Variants in EFR3B observed in about 807,000 individuals in gnomAD.
The protein encoded by EFR3B is EFR3 homolog B, also known as protein EFR3 homolog B.
A neutral mutation model predicts 104.7 loss-of-function variants in EFR3B; 64 were observed. The observed-to-expected ratio is 0.61, with a 90% CI of 0.50 to 0.75. The LOEUF is 0.75. Among genes scored for constraint, EFR3B ranks in the 30% least tolerant of loss-of-function variants. The pLI, the probability that EFR3B is intolerant of heterozygous loss-of-function variation, is 0.00. For missense variants in EFR3B, 750 were observed against 1,078.5 expected (o/e 0.70, Z 4.27); for synonymous variants, 385 against 417.9 (o/e 0.92, Z 0.96).
intron 5 of EFR3B, among the ~76,000 whole-genome samples, chr2:25,123,089 G>C (rs913257097): frequency 6.6e-6 from 1 of 152,174 alleles, no homozygotes; most frequent in Non-Finnish European, 1.5e-5. Context: ...TTGACCAGGT[G>C]CAGTGGCTCA....
chr2:25,110,028 G>T (rs1368444075), intron 4 of EFR3B, among the ~76,000 whole-genome samples: 1 of 152,054 alleles, frequency 6.6e-6, no homozygotes, highest in South Asian at 2.1e-4. Flanking sequence ...GGCAGGCCAG[G>T]GTCATGGGGA....
intron 10 of EFR3B, 143 bp from the exon 11 acceptor site, chr2:25,132,760 C>G (rs190299433): frequency 2.9e-6 from 2 of 680,384 alleles, no homozygotes; most frequent in South Asian, 3.7e-5. Flanking sequence ...CCGAATCACA[C>G]CCGGGCTATC....
Position 25,158,778 on chromosome 2 carries a change from C to A in EFR3B, c.*4438C>A. The A allele has an allele frequency of 6.6e-6, 1 of 152,338 alleles. No homozygotes were observed. The highest frequency in any genetic ancestry group is 1.5e-5 in the Non-Finnish European group (1 of 68,074). 9.4% of individuals were successfully genotyped at this position (152,338 alleles called of 1,614,324 possible). ...ACTGTTGATTTCTGGCGCGTGGAGGCAGAGTTGTGAATCCACAAATGCTGT... is the reference window on the plus strand; with the variant it reads ...ACTGTTGATTTCTGGCGCGTGGAGGAAGAGTTGTGAATCCACAAATGCTGT... On this transcript the variant is annotated 3_prime_UTR_variant, in exon 23 of 23. Coordinates refer to ENST00000403714, the MANE Select transcript of EFR3B (RefSeq NM_014971.2).
Position 25,131,916 on chromosome 2 carries a change from G to T in EFR3B, c.1147+5G>T. ...AGGCCGTCATCAAGACCGTGGGTGC[G>T]GCGCGGGGCCGGGCCGGGGCGGGGC... On this transcript the variant is annotated splice_donor_5th_base_variant and intron_variant, in intron 10 of 22. Transcript: ENST00000403714. The surrounding 1 kb of genome is among the most constrained non-coding windows in gnomAD (Gnocchi z 7.6). 1 of 1,504,588 alleles carries T rather than the reference G, an allele frequency of 6.6e-7. No homozygotes were observed. 93.2% of individuals were successfully genotyped at this position (1,504,588 alleles called of 1,614,324 possible). A position where few individuals can be genotyped will look rare whatever the true frequency, so the allele number is the denominator to read the frequency against.
chr2:25,094,213 A>G (rs1669212130), intron 3 of EFR3B, among the ~76,000 whole-genome samples: 1 of 138,772 alleles, frequency 7.2e-6, no homozygotes, highest in Non-Finnish European at 1.5e-5. Flanking sequence ...TGAGCCCAAG[A>G]GGTCAAGGCT....
At chr2:25,067,611 T>A (rs1363051296) in intron 1 of EFR3B, among the ~76,000 whole-genome samples, 4 of 151,960 alleles carry the variant, frequency 2.6e-5, no homozygotes. Flanking sequence ...ATTTTTTTAT[T>A]TTTAGTAGAG....
chr2:25,070,465 G>C (rs1333308186), intron 1 of EFR3B, among the ~76,000 whole-genome samples: 1 of 152,108 alleles, frequency 6.6e-6, no homozygotes, highest in Non-Finnish European at 1.5e-5. Flanking sequence ...GTTTCACCAT[G>C]TTGGCCAGGC....
chr2:25,064,547 G>A (rs1277034386), intron 1 of EFR3B, among the ~76,000 whole-genome samples: 2 of 152,080 alleles, frequency 1.3e-5, no homozygotes, highest in Non-Finnish European at 2.9e-5. Context: ...TAACACTATT[G>A]TTTTCATGTG....
At chr2:25,111,802 G>C (rs1186049747) in intron 4 of EFR3B, among the ~76,000 whole-genome samples, 1 of 152,180 alleles carries the variant, frequency 6.6e-6, no homozygotes, top group Non-Finnish European at 1.5e-5. Context: ...AGAGAAGGGG[G>C]CACAAGCCAA....
chr2:25,134,828 G>A (rs1460736592), intron 12 of EFR3B, among the ~76,000 whole-genome samples: 5 of 152,048 alleles, frequency 3.3e-5, no homozygotes, highest in African/African-American at 1.2e-4. Context: ...ACATCCTTAG[G>A]GACCTTCTGA....
Position 25,136,560 on chromosome 2 carries a change from G to T in EFR3B, c.1522G>T (p.Asp508Tyr). The T allele has an allele frequency of 6.4e-7, 1 of 1,551,452 alleles. No individual in the cohort carries two copies. ...CATCTCTGTCCTGAAGCTGAAAGTG[G>T]ACAAGTGCTCTCGACAGGACACCGT... ...SDISVLKLKV[D>Y]KCSRQDTVFM... Residue 508 changes from aspartate (D) to tyrosine (Y), a missense_variant, in exon 14 of 23, where the codon GAC (aspartate) becomes TAC (tyrosine). Physicochemically the swap from Asp to Tyr is radical, Grantham distance 160 (BLOSUM62 -3). Transcript: ENST00000403714. This position sits in a 1 kb window ranked among gnomAD's most constrained non-coding sequence, Gnocchi z 4.0.
chr2:25,091,214 A>G (rs1669103827), intron 1 of EFR3B, 111 bp from the exon 2 acceptor site: 1 of 1,040,032 alleles, frequency 9.6e-7, no homozygotes. Context: ...GGTCTGTCTG[A>G]TTCCAGCCTG....
intron 6 of EFR3B, among the ~76,000 whole-genome samples, chr2:25,128,622 G>C (rs1484648711): frequency 6.6e-6 from 1 of 152,124 alleles, no homozygotes; most frequent in East Asian, 1.9e-4. Flanking sequence ...CAAGAGTCTG[G>C]TTACCTTTGT....
intron 4 of EFR3B, among the ~76,000 whole-genome samples, chr2:25,115,501 G>A (rs1352363113): frequency 2.0e-5 from 3 of 152,168 alleles, no homozygotes; most frequent in African/African-American, 7.2e-5. Context: ...GCTGAAAATC[G>A]TATCAGATAA....
chr2:25,151,376 C>A (rs1424830597), intron 20 of EFR3B, among the ~76,000 whole-genome samples: 2 of 152,146 alleles, frequency 1.3e-5, no homozygotes, highest in East Asian at 3.9e-4. Flanking sequence ...CTGCCTCAGC[C>A]TCCCAAGTAA....
chr2:25,066,854 G>A (rs1276568438), intron 1 of EFR3B, among the ~76,000 whole-genome samples: 1 of 152,152 alleles, frequency 6.6e-6, no homozygotes, highest in South Asian at 2.1e-4. Context: ...GAACAGAGCC[G>A]AACAAGTTTA....
At chr2:25,069,808 T>C (rs1375772334) in intron 1 of EFR3B, among the ~76,000 whole-genome samples, 1 of 152,034 alleles carries the variant, frequency 6.6e-6, no homozygotes, top group East Asian at 1.9e-4. Flanking sequence ...GACATTCTCC[T>C]GCCTCAGCCT....
At chr2:25,132,824 C>A in intron 10 of EFR3B, 79 bp from the exon 11 acceptor site, 3 of 1,224,756 alleles carry the variant, frequency 2.4e-6, no homozygotes, top group Non-Finnish European at 3.5e-6. Flanking sequence ...AGCCCTCGCT[C>A]TCTGCAGCTG....
At chr2:25,050,329 A>G (rs1414909521) in intron 1 of EFR3B, among the ~76,000 whole-genome samples, 1 of 152,140 alleles carries the variant, frequency 6.6e-6, no homozygotes, top group African/African-American at 2.4e-5. Flanking sequence ...AGGAGGAGAC[A>G]GTTGTTGCAG....
Sources: gnomAD v4.1 joint callset for allele counts (sites outside exome capture counted in the v4.1 genomes callset) on GRCh38, gnomAD v4.1.1 for gene constraint, Gnocchi (gnomAD v3.1) non-coding constraint, MANE v1.5 for transcripts, NCBI Gene and HGNC (gene_info 2026-07-23, HGNC 2026-07-21) for gene names.